The following UNC5C variants were observed in gnomAD, a reference collection of about 807,000 sequenced individuals.
UNC5C encodes unc-5 netrin receptor C, also known as netrin receptor UNC5C.
In UNC5C, 47 loss-of-function variants were observed where a neutral mutation model predicts 99.8. The observed-to-expected ratio is 0.47, with a 90% CI of 0.37 to 0.60. The LOEUF is 0.60. Among genes scored for constraint, UNC5C ranks in the 20% least tolerant of loss-of-function variants. UNC5C has a pLI of 0.00. For missense variants in UNC5C, 1,062 were observed against 1,165.9 expected (o/e 0.91, Z 1.30); for synonymous variants, 487 against 452.2 (o/e 1.08, Z -0.98).
chr4:95,316,827 T>TA (rs1742493795), intron 2 of UNC5C, among the ~76,000 whole-genome samples: 1 of 152,082 alleles, frequency 6.6e-6, no homozygotes, highest in Admixed American at 6.6e-5. Context: ...GCAAGTTTTT[T>TA]AAAAAGTCAA....
At position 95,169,568 on chromosome 4, in the gene UNC5C, C is replaced by G. The variant is rs192410415; in HGVS notation, c.2631-169G>C. 7.2e-5 allele frequency among the ~76,000 whole-genome samples: 11 copies of G among 152,300 alleles called. No individual in the cohort carries two copies. In the East Asian group the frequency reaches 2.1e-3, roughly 29 times the overall value. On this transcript the variant is annotated intron_variant, in intron 15 of 15. Transcript: ENST00000453304. Reference sequence around the variant, plus strand: ...CATGCTTAATTAGATCAGCCCCAGACAGGGGATGTGATGTTTAACTTTGTG... The same window carrying G: ...CATGCTTAATTAGATCAGCCCCAGAGAGGGGATGTGATGTTTAACTTTGTG...
intron 10 of UNC5C, among the ~76,000 whole-genome samples, chr4:95,208,867 A>G (rs763734961): frequency 6.6e-6 from 1 of 152,184 alleles, no homozygotes; most frequent in Non-Finnish European, 1.5e-5. Context: ...CGTATTATTT[A>G]TTACATATTC....
chr4:95,328,586 T>A (rs1398861541), intron 2 of UNC5C, among the ~76,000 whole-genome samples: 1 of 143,236 alleles, frequency 7.0e-6, no homozygotes, highest in Non-Finnish European at 1.5e-5. Context: ...TACCCAGTAA[T>A]GGGATGGCTG....
intron 1 of UNC5C, among the ~76,000 whole-genome samples, chr4:95,362,915 T>C (rs1013834671): frequency 2.6e-5 from 4 of 151,786 alleles, no homozygotes; most frequent in Non-Finnish European, 4.4e-5. Context: ...TAAATAATAA[T>C]AGGATACCAT....
At chr4:95,265,247 C>T (rs1345432552) in intron 4 of UNC5C, among the ~76,000 whole-genome samples, 1 of 152,126 alleles carries the variant, frequency 6.6e-6, no homozygotes, top group Non-Finnish European at 1.5e-5. Context: ...TTCATACTTC[C>T]AATTACTTTT....
intron 3 of UNC5C, among the ~76,000 whole-genome samples, chr4:95,294,335 A>G (rs911115890): frequency 2.6e-5 from 4 of 152,166 alleles, no homozygotes; most frequent in Non-Finnish European, 4.4e-5. Context: ...TCTCAGTGAA[A>G]ATGATGAGTG....
chr4:95,358,041 T>C (rs1744269638), intron 1 of UNC5C, among the ~76,000 whole-genome samples: 1 of 152,168 alleles, frequency 6.6e-6, no homozygotes, highest in African/African-American at 2.4e-5. Context: ...ATGTGCCAAC[T>C]GCTGACCTAC....
At chr4:95,451,643 T>G (rs915069540) in intron 1 of UNC5C, among the ~76,000 whole-genome samples, 1 of 152,170 alleles carries the variant, frequency 6.6e-6, no homozygotes, top group Non-Finnish European at 1.5e-5. Context: ...ACTACTTTTG[T>G]TTTGTCTGAG....
intron 1 of UNC5C, among the ~76,000 whole-genome samples, chr4:95,426,325 G>C (rs188103201): frequency 6.6e-6 from 1 of 152,134 alleles, no homozygotes; most frequent in African/African-American, 2.4e-5. Flanking sequence ...AATGTTATGT[G>C]TTTTCTGATT....
chr4:95,441,874 C>G (rs1746960981), intron 1 of UNC5C, among the ~76,000 whole-genome samples: 1 of 152,098 alleles, frequency 6.6e-6, no homozygotes, highest in Admixed American at 6.5e-5. Flanking sequence ...GAGCACTGTT[C>G]AGAATAAGTT....
intron 1 of UNC5C, among the ~76,000 whole-genome samples, chr4:95,402,737 A>C (rs140638152): frequency 1.3e-5 from 2 of 152,358 alleles, no homozygotes; most frequent in East Asian, 3.9e-4. Context: ...TCTACACTTT[A>C]GCCCATGCCA....
chr4:95,457,609 T>C (rs1029674190), intron 1 of UNC5C, among the ~76,000 whole-genome samples: 56 of 152,142 alleles, frequency 3.7e-4, no homozygotes, highest in African/African-American at 1.4e-3. Flanking sequence ...TTTCAGCAGC[T>C]GGAGTACCAG....
At chr4:95,220,608 AC>A (rs1440842822) in intron 7 of UNC5C, among the ~76,000 whole-genome samples, 3 of 152,220 alleles carry the variant, frequency 2.0e-5, no homozygotes, top group African/African-American at 7.2e-5. Flanking sequence ...TATTTATTGA[AC>A]CAGAATATTT....
intron 2 of UNC5C, among the ~76,000 whole-genome samples, chr4:95,319,181 T>C (rs1394341789): frequency 6.6e-6 from 1 of 152,200 alleles, no homozygotes; most frequent in Non-Finnish European, 1.5e-5. Context: ...TACATTAGCA[T>C]TACTAGAGAG....
chr4:95,522,049 A>C (rs1722374224), intron 1 of UNC5C, among the ~76,000 whole-genome samples: 1 of 152,160 alleles, frequency 6.6e-6, no homozygotes, highest in Admixed American at 6.5e-5. Flanking sequence ...TTTCTAGTTT[A>C]ATATAATTGT....
chr4:95,463,357 A>G (rs1747666099), intron 1 of UNC5C, among the ~76,000 whole-genome samples: 1 of 152,144 alleles, frequency 6.6e-6, no homozygotes, highest in African/African-American at 2.4e-5. Context: ...CAGCTTAGGA[A>G]GATGCCAGGC....
intron 1 of UNC5C, among the ~76,000 whole-genome samples, chr4:95,337,911 G>A (rs4130507): frequency 6.6e-6 from 1 of 151,854 alleles, no homozygotes; most frequent in Non-Finnish European, 1.5e-5. Flanking sequence ...CCACAGCATA[G>A]TAGTTTATTA....
chr4:95,253,589 C>T (rs1739836294), intron 4 of UNC5C, among the ~76,000 whole-genome samples: 1 of 152,110 alleles, frequency 6.6e-6, no homozygotes, highest in South Asian at 2.1e-4. Flanking sequence ...ATCACAGAAA[C>T]TCTGCTTTTA....
intron 1 of UNC5C, among the ~76,000 whole-genome samples, chr4:95,495,272 C>A (rs1721600041): frequency 6.6e-6 from 1 of 151,578 alleles, no homozygotes; most frequent in African/African-American, 2.4e-5. Context: ...CACTATATTC[C>A]TTTTATCACT....
Sources: gnomAD v4.1 joint callset for allele counts (sites outside exome capture counted in the v4.1 genomes callset) on GRCh38, gnomAD v4.1.1 for gene constraint, MANE v1.5 for transcripts, NCBI Gene and HGNC (gene_info 2026-07-23, HGNC 2026-07-21) for gene names.